The following GCN1 variants were observed in gnomAD, a reference collection of about 807,000 sequenced individuals.
The protein encoded by GCN1 is GCN1 activator of EIF2AK4.
In GCN1, 90 loss-of-function variants were observed where a neutral mutation model predicts 288.4. The observed-to-expected ratio is 0.31, with a 90% confidence interval of 0.26 to 0.37. The LOEUF is 0.37. Among genes scored for constraint, GCN1 ranks in the 10% least tolerant of loss-of-function variants. The pLI is 1.00. For missense variants in GCN1, 2,586 were observed against 3,419.9 expected (o/e 0.76, Z 6.08); for synonymous variants, 1,386 against 1,420.2 (o/e 0.98, Z 0.54).
At chr12:120,128,534 C>T (rs1327362803) in intron 57 of GCN1, among the ~76,000 whole-genome samples, 1 of 152,044 alleles carries the variant, frequency 6.6e-6, no homozygotes, top group Non-Finnish European at 1.5e-5. Context: ...CGGGGTTTCT[C>T]CATGTTGGTC....
At position 120,142,998 on chromosome 12, in the gene GCN1, C is replaced by T. The variant is rs1877247729; in HGVS notation, c.5496-57G>A. On this transcript the variant is annotated intron_variant, in intron 42 of 57. Transcript: ENST00000300648. This position sits in a 1 kb window ranked among gnomAD's most constrained non-coding sequence, Gnocchi z 4.9. ...GCTGCAAGGAGTGGGCTCGGCACAA[C>T]TGAGCACTGCACAGAAGATGGAAAG... The T allele has an allele frequency of 6.1e-6, 6 of 990,098 alleles. No homozygotes were observed. The South Asian group carries it at 7.7e-5, about 13-fold the overall frequency. 61.3% of individuals were successfully genotyped at this position (990,098 alleles called of 1,614,324 possible). A position where few individuals can be genotyped will look rare whatever the true frequency, so the allele number is the denominator to read the frequency against.
intron 22 of GCN1, 115 bp downstream of exon 22, chr12:120,161,375 G>A: frequency 5.6e-6 from 4 of 709,406 alleles, no homozygotes; most frequent in Non-Finnish European, 7.7e-6. Context: ...TCAGAGGAGT[G>A]TGCCATGGGC....
intron 39 of GCN1, 92 bp from the exon 40 acceptor site, chr12:120,145,153 T>C: frequency 1.3e-6 from 2 of 1,572,824 alleles, no homozygotes; most frequent in South Asian, 1.1e-5. Context: ...CGAGGGCCTC[T>C]TTCTCTTTAC....
intron 26 of GCN1, 146 bp from the exon 27 acceptor site, chr12:120,157,138 A>G (rs1362159499): frequency 4.9e-6 from 3 of 606,860 alleles, no homozygotes; most frequent in East Asian, 2.8e-5. Flanking sequence ...TAAGTTTACA[A>G]CTAGGTCCAC....
chr12:120,190,492 C>G, intron 1 of GCN1, 92 bp from the exon 2 acceptor site: 1 of 764,938 alleles, frequency 1.3e-6, no homozygotes, highest in Non-Finnish European at 2.3e-6. Context: ...TTGGGGATCT[C>G]TCTAACCTGG....
At chr12:120,128,401 T>A (rs887175032) in intron 57 of GCN1, among the ~76,000 whole-genome samples, 1 of 151,718 alleles carries the variant, frequency 6.6e-6, no homozygotes, top group Non-Finnish European at 1.5e-5. Context: ...AATGGCACGA[T>A]CTCAGCTCAA....
Position 120,175,829 on chromosome 12 carries a change from A to G in GCN1, c.959T>C (p.Leu320Pro). 1 of 1,613,362 alleles carries G rather than the reference A, an allele frequency of 6.2e-7. No homozygotes were observed. The highest frequency in any genetic ancestry group is 1.7e-5 in the Admixed American group (1 of 59,752). The change falls in exon 11 of 58, where the codon CTG (leucine) becomes CCG (proline). Residue 320 changes from leucine (L) to proline (P), a missense_variant. Transcript: ENST00000300648. ...NSPRLMDEAV[L>P]ALRNLARQCS... ...CTGGCGTGCCAGGTTCCGCAGTGCC[A>G]GCACAGCTTCATCCATCAGGCGGGG...
chr12:120,167,134 G>A (rs1018042794), intron 16 of GCN1, among the ~76,000 whole-genome samples: 3 of 151,892 alleles, frequency 2.0e-5, no homozygotes, highest in Non-Finnish European at 4.4e-5. Context: ...GAGGTCGGGA[G>A]TTCGAGACCA....
chr12:120,144,598 C>T lies in GCN1; in HGVS notation c.5352+41G>A, dbSNP rs1877302424. 6.3e-7 allele frequency: 1 copy of T among 1,581,500 alleles called. No homozygotes were observed. The highest frequency in any genetic ancestry group is 2.2e-5 in the East Asian group (1 of 44,686). On this transcript the variant is annotated intron_variant, in intron 41 of 57. Coordinates refer to ENST00000300648, the MANE Select transcript of GCN1 (RefSeq NM_006836.2). This position sits in a 1 kb window ranked among gnomAD's most constrained non-coding sequence, Gnocchi z 4.7. ...TCCAGGTGAGCACTTGCCTCCTGCCCTCCTCAAGGACTCTACCCTTGCCAA... is the reference window on the plus strand; with the variant it reads ...TCCAGGTGAGCACTTGCCTCCTGCCTTCCTCAAGGACTCTACCCTTGCCAA...
chr12:120,188,000 T>C (rs1243019301), intron 2 of GCN1, among the ~76,000 whole-genome samples: 1 of 152,194 alleles, frequency 6.6e-6, no homozygotes, highest in African/African-American at 2.4e-5. Flanking sequence ...TAATCAGATA[T>C]GCTCAGCATT....
Position 120,142,402 on chromosome 12 carries a change from A to G in GCN1, c.5829+105T>C. ...GTAAAGAACACAATGTCCCTCTGTT[A>G]GGCAGGGTGGATGGGTACTTTCCCA... On this transcript the variant is annotated intron_variant, in intron 44 of 57. Coordinates refer to ENST00000300648, the MANE Select transcript of GCN1 (RefSeq NM_006836.2). This position sits in a 1 kb window ranked among gnomAD's most constrained non-coding sequence, Gnocchi z 4.9. 2 of 744,944 alleles carry G rather than the reference A, an allele frequency of 2.7e-6. No individual in the cohort carries two copies. The highest frequency in any genetic ancestry group is 3.0e-5 in the South Asian group (2 of 66,492). The allele number at this position is 744,944 out of a possible 1,614,324, so 46.1% of individuals were successfully genotyped here. A position where few individuals can be genotyped will look rare whatever the true frequency, so the allele number is the denominator to read the frequency against.
At chr12:120,176,700 A>T (rs1457706741) in intron 9 of GCN1, among the ~76,000 whole-genome samples, 5 of 152,182 alleles carry the variant, frequency 3.3e-5, no homozygotes, top group Non-Finnish European at 7.3e-5. Context: ...TGAACCCCTA[A>T]AATTATATGC....
intron 1 of GCN1, among the ~76,000 whole-genome samples, chr12:120,193,247 G>C (rs1316924090): frequency 6.6e-6 from 1 of 152,126 alleles, no homozygotes; most frequent in African/African-American, 2.4e-5. Context: ...CAATACGGTA[G>C]CCACTGGCTA....
intron 24 of GCN1, among the ~76,000 whole-genome samples, chr12:120,159,156 G>A (rs1406336840): frequency 6.6e-6 from 1 of 152,194 alleles, no homozygotes; most frequent in African/African-American, 2.4e-5. Context: ...CAGGAGACAA[G>A]GGCCACCAAA....
rs543175937 is a variant in GCN1, at chr12:120,134,466, C to T, written c.7203-61G>A. ...CCTCCACCACCACCCCTCCTGCCAG[C>T]GCAGGCTCGGCCCACAGCAACCCCT... is the stretch of plus-strand genomic sequence containing the variant. On this transcript the variant is annotated intron_variant, in intron 52 of 57. Coordinates refer to ENST00000300648, the MANE Select transcript of GCN1 (RefSeq NM_006836.2). The surrounding 1 kb of genome is among the most constrained non-coding windows in gnomAD (Gnocchi z 5.0). 8.2e-6 allele frequency: 13 copies of T among 1,590,310 alleles called. No homozygotes were observed. The highest frequency in any genetic ancestry group is 1.7e-4 in the Middle Eastern group (1 of 6,006).
chr12:120,163,474 C>G (rs1264861838), intron 18 of GCN1, among the ~76,000 whole-genome samples: 2 of 152,224 alleles, frequency 1.3e-5, no homozygotes, highest in Admixed American at 6.5e-5. Flanking sequence ...ATCTAAAAAG[C>G]CTGCAGGGGT....
At chr12:120,186,744 G>C (rs1208236977) in intron 2 of GCN1, among the ~76,000 whole-genome samples, 1 of 152,220 alleles carries the variant, frequency 6.6e-6, no homozygotes. Flanking sequence ...AACACACACT[G>C]TGAGCTTACC....
intron 51 of GCN1, among the ~76,000 whole-genome samples, chr12:120,135,376 T>G (rs895186771): frequency 6.6e-6 from 1 of 152,130 alleles, no homozygotes; most frequent in African/African-American, 2.4e-5. Context: ...GTTTTGTTTT[T>G]TTTTTGAGAC....
intron 55 of GCN1, 119 bp downstream of exon 55, chr12:120,131,066 A>T (rs1288375442): frequency 1.2e-6 from 1 of 856,264 alleles, no homozygotes; most frequent in Non-Finnish European, 1.9e-6. Context: ...GTTACTGACA[A>T]AGGTAAAATT....
Sources: allele counts gnomAD v4.1 joint callset (sites outside exome capture counted in the v4.1 genomes callset), GRCh38; gene constraint gnomAD v4.1.1; non-coding constraint Gnocchi (gnomAD v3.1); transcripts MANE v1.5; gene names NCBI Gene and HGNC (gene_info 2026-07-23, HGNC 2026-07-21).